Variants in DLG5 observed in about 807,000 individuals in gnomAD.
DLG5 encodes the protein disks large homolog 5.
DLG5 carries 48 observed loss-of-function variants against 189.8 expected under a neutral mutation model. That is an observed-to-expected ratio of 0.25 (90% CI 0.20 to 0.32). The LOEUF (loss-of-function observed/expected upper bound fraction) is 0.32, where lower values mean the gene tolerates loss of function less well. Ranked by LOEUF, DLG5 falls within the 10% of genes least tolerant of loss-of-function variation. DLG5 has a pLI of 1.00. For synonymous variants in DLG5, 1,016 were observed against 1,054.1 expected, an observed-to-expected ratio of 0.96 and a Z score of 0.70; for missense variants, 2,160 against 2,544.7, an observed-to-expected ratio of 0.85 and a Z score of 3.25.
intron 9 of DLG5, among the ~76,000 whole-genome samples, chr10:77,832,534 C>T (rs974836352): frequency 3.9e-5 from 6 of 152,204 alleles, no homozygotes; most frequent in Non-Finnish European, 7.3e-5. Flanking sequence ...CTCCCCAGGC[C>T]AGTGCAGCTG....
chr10:77,833,997 C>A lies in DLG5; in HGVS notation c.1665G>T (p.Val555=), dbSNP rs770644962. 3.7e-6 allele frequency: 6 copies of A among 1,608,966 alleles called. No individual in the cohort carries two copies. Among genetic ancestry groups the A allele is most frequent in the African/African-American group, 1.3e-5 (1 of 74,920 alleles). Residue 555 remains valine (V), a synonymous_variant, in exon 9 of 32, where the codon GTG becomes GTT. Coordinates refer to ENST00000372391, the MANE Select transcript of DLG5 (RefSeq NM_004747.4). ...DNLRRERDRA[V]SELAEALRSL... is the part of the protein sequence containing the mutation. ...TGCGCAGGGCCTCAGCCAGCTCGCT[C>A]ACCGCACGGTCCCGCTCCCGCCTCA...
chr10:77,820,059 A>G, intron 15 of DLG5, 41 bp from the exon 16 acceptor site: 1 of 1,608,924 alleles, frequency 6.2e-7, no homozygotes, highest in African/African-American at 1.3e-5. Flanking sequence ...GAAAGAGTGG[A>G]GTGTGGCCAG....
At chr10:77,887,972 T>A (rs1195435539) in intron 1 of DLG5, among the ~76,000 whole-genome samples, 1 of 151,822 alleles carries the variant, frequency 6.6e-6, no homozygotes, top group African/African-American at 2.4e-5. Context: ...GCTGCCATCA[T>A]CATGCAGCCC....
Position 77,821,180 on chromosome 10 carries a change from T to A in DLG5, c.3304A>T (p.Lys1102Ter). 6.2e-7 allele frequency: 1 copy of A among 1,614,138 alleles called. No individual in the cohort carries two copies. The highest frequency in any genetic ancestry group is 8.5e-7 in the Non-Finnish European group (1 of 1,180,044). ...KSCDEDLTSQKVDELGQKRRR... is the reference protein window; with the variant it reads ...KSCDEDLTSQ Reference sequence around the variant, plus strand: ...CGCTTCTGCCCCAGCTCATCCACCTTCTGGGAGGTGAGGTCCTCATCACAG... The same window carrying A: ...CGCTTCTGCCCCAGCTCATCCACCTACTGGGAGGTGAGGTCCTCATCACAG... Residue 1102 changes from lysine to a stop codon, truncating the protein, a stop_gained, in exon 15 of 32, where the codon AAG becomes TAG. Transcript: ENST00000372391. LOFTEE classifies it high-confidence loss of function.
In DLG5 at chr10:77,809,588, T is replaced by C. The variant is rs564397103; in HGVS notation, c.4606A>G (p.Lys1536Glu). The change falls in exon 24 of 32, where the codon AAG (lysine) becomes GAG (glutamate). Residue 1536 changes from lysine to glutamate, a missense_variant. This residue lies in a region of DLG5 where 574 missense variants were observed against 644.2 expected (regional missense o/e 0.89). Coordinates refer to ENST00000372391, the MANE Select transcript of DLG5 (RefSeq NM_004747.4). ...VAEVEDDSPA[K>E]GPDGLVPGDL... The stretch of plus-strand genomic sequence containing the variant: ...CCTGGCACGAGGCCGTCAGGACCCT[T>C]GGCAGGACTGTCATCCTCCACCTCG... 22 of 1,614,146 alleles carry C rather than the reference T, an allele frequency of 1.4e-5. No individual in the cohort carries two copies. Among genetic ancestry groups the C allele is most frequent in the Admixed American group, 3.3e-5 (2 of 60,024 alleles).
chr10:77,887,859 G>T (rs1023699647), intron 1 of DLG5, among the ~76,000 whole-genome samples: 2 of 152,220 alleles, frequency 1.3e-5, no homozygotes, highest in African/African-American at 4.8e-5. Flanking sequence ...AGAGCCACAC[G>T]CCTTTGTGTG....
intron 1 of DLG5, among the ~76,000 whole-genome samples, chr10:77,874,571 A>G (rs563385897): frequency 6.6e-6 from 1 of 152,348 alleles, no homozygotes; most frequent in East Asian, 1.9e-4. Context: ...AATTATCTTC[A>G]GGCTATGTGT....
At chr10:77,826,277 C>T (rs757111307) in intron 13 of DLG5, among the ~76,000 whole-genome samples, 3 of 152,208 alleles carry the variant, frequency 2.0e-5, no homozygotes, top group Non-Finnish European at 4.4e-5. Context: ...TGGTCAACAA[C>T]TTAGGCTGCT....
At chr10:77,815,462 T>C (rs1248639) in intron 20 of DLG5, among the ~76,000 whole-genome samples, 114,187 of 152,098 alleles carry the variant, frequency 0.75, 44,033 homozygotes, top group African/African-American at 0.94. Flanking sequence ...GAGTTCAAGA[T>C]AAGCTTGACC....
chr10:77,822,954 C>A (rs1033062148), intron 14 of DLG5, among the ~76,000 whole-genome samples: 1 of 152,150 alleles, frequency 6.6e-6, no homozygotes, highest in African/African-American at 2.4e-5. Flanking sequence ...ATTTTTAGAG[C>A]AGTGAAACTA....
chr10:77,873,263 A>G (rs1158615957), intron 1 of DLG5, among the ~76,000 whole-genome samples: 1 of 152,278 alleles, frequency 6.6e-6, no homozygotes, highest in East Asian at 1.9e-4. Flanking sequence ...ACTCTTATTC[A>G]GCAGATGAGG....
At chr10:77,812,505 G>A (rs1041757952) in intron 20 of DLG5, 128 bp from the exon 21 acceptor site, 25 of 1,079,576 alleles carry the variant, frequency 2.3e-5, no homozygotes, top group Non-Finnish European at 2.7e-5. Context: ...CTCCCATTGT[G>A]ACACAGCTAC....
chr10:77,913,713 C>T (rs978446122), intron 1 of DLG5, among the ~76,000 whole-genome samples: 2 of 152,108 alleles, frequency 1.3e-5, no homozygotes, highest in South Asian at 4.1e-4. Flanking sequence ...CTCAGCCTCC[C>T]GAATAGCTGG....
chr10:77,805,304 A>G (rs1841412967), intron 27 of DLG5, among the ~76,000 whole-genome samples: 1 of 152,200 alleles, frequency 6.6e-6, no homozygotes, highest in Admixed American at 6.5e-5. Context: ...TGCACATGCA[A>G]GTGGACAATG....
At chr10:77,894,152 A>G (rs1845691638) in intron 1 of DLG5, among the ~76,000 whole-genome samples, 1 of 152,190 alleles carries the variant, frequency 6.6e-6, no homozygotes, top group Non-Finnish European at 1.5e-5. Context: ...GTGCACATAC[A>G]AAAACAGCAA....
At chr10:77,840,885 C>G (rs568058087) in intron 7 of DLG5, among the ~76,000 whole-genome samples, 3 of 152,290 alleles carry the variant, frequency 2.0e-5, no homozygotes, top group East Asian at 3.9e-4. Context: ...CTGGTCACCC[C>G]CTGGGCATCA....
chr10:77,905,690 G>C (rs145602381), intron 1 of DLG5, among the ~76,000 whole-genome samples: 132 of 152,322 alleles, frequency 8.7e-4, no homozygotes, highest in African/African-American at 2.8e-3. Context: ...GTGCCACAGA[G>C]TTGAGTGATG....
At chr10:77,825,578 T>TG (rs1219798432) in intron 13 of DLG5, among the ~76,000 whole-genome samples, 1 of 151,724 alleles carries the variant, frequency 6.6e-6, no homozygotes, top group East Asian at 1.9e-4. Flanking sequence ...TTTTTTGAGA[T>TG]GGAGTCTCGC....
At position 77,829,087 on chromosome 10, in the gene DLG5, C is replaced by T. The variant is rs1311647578; in HGVS notation, c.2186-102G>A. ...ACCATCTTCTTACAAAAGAGGATGT[C>T]AGCAGGCTGCGCCCTGTCTACGCCT... On this transcript the variant is annotated intron_variant, in intron 12 of 31. Coordinates refer to ENST00000372391, the MANE Select transcript of DLG5 (RefSeq NM_004747.4). The T allele has an allele frequency of 3.0e-6, 4 of 1,314,762 alleles. No individual in the cohort carries two copies. The Admixed American group carries it at 6.0e-5, about 20-fold the overall frequency. 81.4% of individuals were successfully genotyped at this position (1,314,762 alleles called of 1,614,324 possible). A position where few individuals can be genotyped will look rare whatever the true frequency, so the allele number is the denominator to read the frequency against.
Sources: gnomAD v4.1 joint callset for allele counts (sites outside exome capture counted in the v4.1 genomes callset) on GRCh38, gnomAD v4.1.1 for gene constraint, gnomAD v4.1.1 regional missense constraint, MANE v1.5 for transcripts, NCBI Gene and HGNC (gene_info 2026-07-23, HGNC 2026-07-21) for gene names.